Variants in ILDR1 observed in about 807,000 individuals in gnomAD.
The protein encoded by ILDR1 is immunoglobulin like domain containing receptor 1.
A neutral mutation model predicts 62.4 loss-of-function variants in ILDR1; 56 were observed. The ratio of observed to expected loss-of-function variants is 0.90; its 90% CI spans 0.72 to 1.12. The LOEUF (loss-of-function observed/expected upper bound fraction) is 1.12. Among genes scored for constraint, ILDR1 ranks in the 50% most tolerant of loss-of-function variants. The probability of loss-of-function intolerance (pLI) is 0.00; values close to 1 mark genes in which losing one functional copy is unlikely to be tolerated. For synonymous variants in ILDR1, 284 were observed against 277.8 expected (o/e 1.02, Z -0.22); for missense variants, 736 against 710.6 (o/e 1.04, Z -0.41).
At chr3:122,043,273 A>G in the ILDR1 span, among the ~76,000 whole-genome samples, 4 of 151,652 alleles carry the variant, frequency 2.6e-5, no homozygotes, top group Non-Finnish European at 5.9e-5. Flanking sequence ...CCATTGATCT[A>G]TATCTCTGCT....
At chr3:122,051,279 A>G in the ILDR1 span, among the ~76,000 whole-genome samples, 13 of 152,176 alleles carry the variant, frequency 8.5e-5, no homozygotes, top group African/African-American at 3.1e-4. Context: ...GATGGTGTCC[A>G]ATAAGTCTCT....
At chr3:122,038,061 A>C in the ILDR1 span, among the ~76,000 whole-genome samples, 1 of 152,058 alleles carries the variant, frequency 6.6e-6, no homozygotes, top group African/African-American at 2.4e-5. Context: ...CCATGCTTTT[A>C]TACACCTGTG....
the ILDR1 span, among the ~76,000 whole-genome samples, chr3:122,041,890 A>G: frequency 6.7e-6 from 1 of 149,920 alleles, no homozygotes; most frequent in Non-Finnish European, 1.5e-5. Context: ...TTCCAATTTG[A>G]ATGCCCTTTA....
the ILDR1 span, among the ~76,000 whole-genome samples, chr3:122,037,952 G>GTCTC: frequency 8.7e-5 from 13 of 149,732 alleles, no homozygotes; most frequent in Admixed American, 7.3e-4. Context: ...CTCTGTCTCT[G>GTCTC]TCTCTCTCTC....
At chr3:122,052,512 G>C in the ILDR1 span, among the ~76,000 whole-genome samples, 1 of 152,130 alleles carries the variant, frequency 6.6e-6, no homozygotes, top group Non-Finnish European at 1.5e-5. Context: ...AACTCTCTAA[G>C]ACAGGTAAGA....
intron 7 of ILDR1, among the ~76,000 whole-genome samples, chr3:121,989,468 G>T (rs764763173): frequency 6.6e-6 from 1 of 152,188 alleles, no homozygotes; most frequent in Non-Finnish European, 1.5e-5. Context: ...GGAGAAGAAA[G>T]AACACAGTGG....
chr3:122,012,239 C>T (rs1340790937), intron 1 of ILDR1, among the ~76,000 whole-genome samples: 3 of 152,102 alleles, frequency 2.0e-5, no homozygotes, highest in East Asian at 1.9e-4. Context: ...TGAACAGGAT[C>T]AAAAAAGAGA....
At chr3:122,052,693 C>T in the ILDR1 span, among the ~76,000 whole-genome samples, 1 of 152,182 alleles carries the variant, frequency 6.6e-6, no homozygotes, top group Non-Finnish European at 1.5e-5. Context: ...CCTGCCTCGG[C>T]CTTCCAAGTA....
At chr3:122,042,777 G>T in the ILDR1 span, among the ~76,000 whole-genome samples, 1 of 151,902 alleles carries the variant, frequency 6.6e-6, no homozygotes, top group African/African-American at 2.4e-5. Flanking sequence ...TTTTTTTCTT[G>T]TAAATTTGTC....
intron 2 of ILDR1, 88 bp from the exon 3 acceptor site, chr3:122,005,481 A>T (rs2071594929): frequency 4.2e-6 from 6 of 1,423,200 alleles, no homozygotes; most frequent in Non-Finnish European, 5.9e-6. Context: ...CGTGAGACAC[A>T]GTGAAGTGTC....
the ILDR1 span, among the ~76,000 whole-genome samples, chr3:122,032,400 C>A: frequency 1.3e-5 from 2 of 152,166 alleles, no homozygotes; most frequent in African/African-American, 4.8e-5. Flanking sequence ...TGCTAATTGG[C>A]TATTATGAAT....
intron 5 of ILDR1, among the ~76,000 whole-genome samples, chr3:121,999,503 T>G (rs1017831495): frequency 6.6e-5 from 10 of 152,248 alleles, no homozygotes; most frequent in Non-Finnish European, 1.2e-4. Flanking sequence ...AATTCTGTTA[T>G]AGCTCTGTTT....
intron 7 of ILDR1, 114 bp downstream of exon 7, chr3:121,993,036 G>A: frequency 1.1e-6 from 1 of 888,992 alleles, no homozygotes; most frequent in Admixed American, 2.0e-5. Flanking sequence ...GCAAAACAGG[G>A]AGGAGGCACC....
At position 121,993,265 on chromosome 3, in the gene ILDR1, T is replaced by C. The variant is rs746514835; in HGVS notation, c.1484A>G (p.His495Arg). 4 of 1,613,298 alleles carry C rather than the reference T, an allele frequency of 2.5e-6. No individual in the cohort carries two copies. Among genetic ancestry groups the C allele is most frequent in the Middle Eastern group, 3.3e-4 (2 of 6,080 alleles). ...KERQPQSWRA[H>R]RRGSHSPHWP... Reference sequence around the variant, plus strand: ...GTGTGGGGAGTGCGAGCCGCGGCGGTGGGCCCGCCAGCTCTGGGGCTGCCT... The same window carrying C: ...GTGTGGGGAGTGCGAGCCGCGGCGGCGGGCCCGCCAGCTCTGGGGCTGCCT... Residue 495 changes from histidine (H) to arginine (R), a missense_variant, in exon 7 of 8, where the codon CAC (histidine) becomes CGC (arginine). His to Arg is a conservative substitution (Grantham distance 29, BLOSUM62 0). Coordinates refer to ENST00000344209, the MANE Select transcript of ILDR1 (RefSeq NM_001199799.2).
At chr3:122,039,503 A>C in the ILDR1 span, among the ~76,000 whole-genome samples, 26 of 152,240 alleles carry the variant, frequency 1.7e-4, no homozygotes, top group Admixed American at 5.9e-4. Context: ...TGCTGTAAGA[A>C]AGAAAACTGT....
chr3:122,034,848 C>T, the ILDR1 span, among the ~76,000 whole-genome samples: 20 of 152,264 alleles, frequency 1.3e-4, no homozygotes, highest in African/African-American at 4.6e-4. Context: ...AAAGAGAGAG[C>T]TGTGCAGGGG....
the ILDR1 span, among the ~76,000 whole-genome samples, chr3:122,048,193 T>G: frequency 6.6e-6 from 1 of 152,194 alleles, no homozygotes. Context: ...CAAGTATTTT[T>G]TCTGTGTCTA....
At chr3:122,042,602 T>C in the ILDR1 span, among the ~76,000 whole-genome samples, 1 of 151,158 alleles carries the variant, frequency 6.6e-6, no homozygotes, top group Non-Finnish European at 1.5e-5. Context: ...TTTAAATGAT[T>C]GCCATTCTAA....
intron 7 of ILDR1, among the ~76,000 whole-genome samples, chr3:121,989,578 C>T (rs1031645517): frequency 6.6e-6 from 1 of 152,188 alleles, no homozygotes; most frequent in African/African-American, 2.4e-5. Flanking sequence ...AAAGATAATT[C>T]ATTGGAAGGA....
Sources: allele counts gnomAD v4.1 joint callset (sites outside exome capture counted in the v4.1 genomes callset), GRCh38; gene constraint gnomAD v4.1.1; transcripts MANE v1.5; gene names NCBI Gene and HGNC (gene_info 2026-07-23, HGNC 2026-07-21).